The following TAOK3 variants were observed in gnomAD, a reference collection of about 807,000 sequenced individuals.
TAOK3 encodes the protein TAO kinase 3.
In TAOK3, 40 loss-of-function variants were observed where a neutral mutation model predicts 120.4. The observed-to-expected ratio is 0.33, with a 90% confidence interval of 0.26 to 0.43. The LOEUF (loss-of-function observed/expected upper bound fraction) is 0.43. Ranked by LOEUF, TAOK3 falls within the 20% of genes least tolerant of loss-of-function variation. TAOK3 has a pLI of 1.00. For missense variants in TAOK3, 821 were observed against 1,112.1 expected (o/e 0.74, Z 3.72); for synonymous variants, 355 against 387.5 (o/e 0.92, Z 0.99).
intron 9 of TAOK3, among the ~76,000 whole-genome samples, chr12:118,218,364 T>C (rs1473729023): frequency 6.6e-6 from 1 of 152,152 alleles, no homozygotes; most frequent in Non-Finnish European, 1.5e-5. Flanking sequence ...TCCCTAGGTA[T>C]CTGTGGGGGA....
chr12:118,164,183 C>T (rs948874970), intron 17 of TAOK3, among the ~76,000 whole-genome samples: 1 of 151,168 alleles, frequency 6.6e-6, no homozygotes, highest in African/African-American at 2.4e-5. Context: ...AAAAATTAGC[C>T]GGGCCTGGTG....
At chr12:118,176,449 G>C (rs1422221478) in intron 16 of TAOK3, among the ~76,000 whole-genome samples, 1 of 152,084 alleles carries the variant, frequency 6.6e-6, no homozygotes, top group Non-Finnish European at 1.5e-5. Flanking sequence ...GGAAGACAAT[G>C]GATTTCAAAA....
intron 9 of TAOK3, among the ~76,000 whole-genome samples, chr12:118,224,583 T>C (rs1262682554): frequency 6.6e-6 from 1 of 152,222 alleles, no homozygotes; most frequent in African/African-American, 2.4e-5. Context: ...TAACTTCTCC[T>C]GAATGTAATC....
intron 1 of TAOK3, among the ~76,000 whole-genome samples, chr12:118,350,663 A>G (rs1021061374): frequency 6.6e-6 from 1 of 151,440 alleles, no homozygotes; most frequent in Non-Finnish European, 1.5e-5. Context: ...GTTCGAGACC[A>G]GCTTGGCCAA....
chr12:118,159,907 C>T, intron 19 of TAOK3: 1 of 556,098 alleles, frequency 1.8e-6, no homozygotes, highest in Non-Finnish European at 3.2e-6. Context: ...CTCAAAGTCC[C>T]TATGTGCCAC....
chr12:118,228,114 T>G (rs939956666), intron 9 of TAOK3, among the ~76,000 whole-genome samples: 1 of 152,128 alleles, frequency 6.6e-6, no homozygotes, highest in East Asian at 1.9e-4. Context: ...GAATTATATC[T>G]TTACAACTGT....
chr12:118,204,649 A>G (rs2038201338), intron 11 of TAOK3, among the ~76,000 whole-genome samples: 1 of 152,232 alleles, frequency 6.6e-6, no homozygotes, highest in Admixed American at 6.5e-5. Context: ...AGTGCTTACA[A>G]TTATAAAGAG....
At chr12:118,369,837 G>A (rs2045848128) in intron 1 of TAOK3, among the ~76,000 whole-genome samples, 1 of 152,084 alleles carries the variant, frequency 6.6e-6, no homozygotes, top group Admixed American at 6.6e-5. Flanking sequence ...TCTCTCATCT[G>A]TATAATTTCT....
At chr12:118,326,396 C>T (rs761112502) in intron 1 of TAOK3, among the ~76,000 whole-genome samples, 25 of 152,082 alleles carry the variant, frequency 1.6e-4, no homozygotes, top group African/African-American at 2.7e-4. Context: ...TGGTTACTAT[C>T]GTTCTGTAGT....
chr12:118,163,128 T>C (rs1247742051), intron 17 of TAOK3, among the ~76,000 whole-genome samples: 1 of 152,176 alleles, frequency 6.6e-6, no homozygotes, highest in African/African-American at 2.4e-5. Flanking sequence ...TTAATCTCTA[T>C]GTGTGGCTGG....
chr12:118,335,697 T>G (rs1388014610), intron 1 of TAOK3, among the ~76,000 whole-genome samples: 2 of 152,064 alleles, frequency 1.3e-5, no homozygotes, highest in Non-Finnish European at 2.9e-5. Flanking sequence ...CCGGGCGTGG[T>G]GGTGGGCACC....
intron 1 of TAOK3, among the ~76,000 whole-genome samples, chr12:118,330,534 G>A (rs957424629): frequency 2.6e-5 from 4 of 152,090 alleles, no homozygotes; most frequent in African/African-American, 7.2e-5. Context: ...GTGTATGTGC[G>A]TGTCTGGCTG....
chr12:118,209,490 A>G (rs1362608620), intron 11 of TAOK3, among the ~76,000 whole-genome samples: 1 of 150,626 alleles, frequency 6.6e-6, no homozygotes, highest in Non-Finnish European at 1.5e-5. Flanking sequence ...GCAACCTCCT[A>G]GTTGATCAAG....
At chr12:118,182,623 ATTTTTTT>A (rs1555215274) in intron 14 of TAOK3, among the ~76,000 whole-genome samples, 6 of 92,412 alleles carry the variant, frequency 6.5e-5, no homozygotes, top group African/African-American at 3.0e-4. Flanking sequence ...ATATATATAT[ATTTTTTT>A]TTTTTTTTAA....
Position 118,201,333 on chromosome 12 carries a change from C to T in TAOK3, c.950G>A (p.Arg317Gln), listed in dbSNP as rs1458374615. Residue 317 changes from arginine to glutamine, a missense_variant, in exon 12 of 21, where the codon CGG becomes CAG. Coordinates refer to ENST00000392533, the MANE Select transcript of TAOK3 (RefSeq NM_016281.4). ...CTGTGACTCATTCAAGGGTCCATTC[C>T]GTGTCTCTTGGAAAAGTATTTTTTT... Reference protein sequence around the residue: ...KMKKILFQETRNGPLNESQED... With the variant: ...KMKKILFQETQNGPLNESQED... 1.2e-5 allele frequency: 20 copies of T among 1,613,808 alleles called. 1 individual carries two copies. The highest frequency in any genetic ancestry group is 1.1e-4 in the South Asian group (10 of 91,064).
At chr12:118,266,130 T>C (rs2041435468) in intron 2 of TAOK3, among the ~76,000 whole-genome samples, 1 of 152,184 alleles carries the variant, frequency 6.6e-6, no homozygotes, top group African/African-American at 2.4e-5. Flanking sequence ...ATTCTCTATA[T>C]TGTAAACTAT....
intron 1 of TAOK3, among the ~76,000 whole-genome samples, chr12:118,324,189 C>T (rs1002839016): frequency 4.6e-5 from 7 of 151,856 alleles, no homozygotes; most frequent in South Asian, 2.1e-4. Context: ...TTTAGAAATA[C>T]GGAGAAAAAA....
intron 1 of TAOK3, among the ~76,000 whole-genome samples, chr12:118,369,004 G>GAAA (rs975694288): frequency 2.9e-4 from 20 of 69,352 alleles, no homozygotes; most frequent in Non-Finnish European, 3.7e-4. Context: ...ACTAAAAATA[G>GAAA]AAAAAAAAAA....
Position 118,332,975 on chromosome 12 carries a change from A to AACACACACACACACACACACAC in TAOK3, c.-194+39672_-194+39673insGTGTGTGTGTGTGTGTGTGTGT, listed in dbSNP as rs146893418. On this transcript the variant is annotated intron_variant, in intron 1 of 20. Coordinates refer to ENST00000392533, the MANE Select transcript of TAOK3 (RefSeq NM_016281.4). ...TGTACATGCACCAAACAACAGTTTC[A>AACACACACACACACACACACAC]ACACACACACACACACACACAGATA... 7.7e-3 allele frequency among the ~76,000 whole-genome samples: 1,153 copies of AACACACACACACACACACACAC among 149,718 alleles called. 15 individuals are homozygous for AACACACACACACACACACACAC. The highest frequency in any genetic ancestry group is 0.023 in the African/African-American group (925 of 40,586).
Sources: gnomAD v4.1 joint callset for allele counts (sites outside exome capture counted in the v4.1 genomes callset) on GRCh38, gnomAD v4.1.1 for gene constraint, MANE v1.5 for transcripts, NCBI Gene and HGNC (gene_info 2026-07-23, HGNC 2026-07-21) for gene names.